The following ZNF449 variants were observed in gnomAD, a reference collection of about 807,000 sequenced individuals.
ZNF449 encodes zinc finger and SCAN domain-containing protein 19.
In ZNF449, 4 loss-of-function variants were observed where a neutral mutation model predicts 32.6. The ratio of observed to expected loss-of-function variants is 0.12; its 90% confidence interval spans 0.06 to 0.28. ZNF449 has a LOEUF of 0.28. ZNF449 is among the 10% of genes least tolerant of loss of function. The pLI, the probability that ZNF449 is intolerant of heterozygous loss-of-function variation, is 1.00. For synonymous variants in ZNF449, 123 were observed against 132.2 expected, an observed-to-expected ratio of 0.93 and a Z score of 0.48; for missense variants, 275 against 383.2, an observed-to-expected ratio of 0.72 and a Z score of 2.36.
chrX:135,355,603 T>A (rs1321658806), intron 3 of ZNF449, among the ~76,000 whole-genome samples: 1 of 111,898 alleles, frequency 8.9e-6, no homozygotes, highest in Non-Finnish European at 1.9e-5. Context: ...AAATCTAAAT[T>A]TTACTTCAGA....
chrX:135,360,749 T>C lies in ZNF449; in HGVS notation c.1230T>C (p.Leu410=). ...CTGAAGAAGAAACATATAAATGTCT[T>C]GAGTGTGGGAAAAGTTTTTGTCATG... ...THSEEETYKC[L]ECGKSFCHGS... is the part of the protein sequence containing the mutation. The change falls in exon 5 of 5, where the codon CTT becomes CTC. Residue 410 remains leucine (L), a synonymous_variant. Coordinates refer to ENST00000339249, the MANE Select transcript of ZNF449 (RefSeq NM_152695.6). 8.3e-7 allele frequency: 1 copy of C among 1,211,316 alleles called. No homozygotes were observed. Among genetic ancestry groups the C allele is most frequent in the Non-Finnish European group, 1.1e-6 (1 of 895,320 alleles).
intron 3 of ZNF449, among the ~76,000 whole-genome samples, chrX:135,355,391 G>T (rs868911692): frequency 1.4e-4 from 15 of 109,164 alleles, no homozygotes; most frequent in African/African-American, 3.3e-4. Flanking sequence ...CTGTTTTTTT[G>T]GGGGGGCCTC....
intron 2 of ZNF449, chrX:135,348,339 A>T (rs782144611): frequency 8.0e-6 from 1 of 124,955 alleles, no homozygotes; most frequent in African/African-American, 3.2e-5. Context: ...ACTCACATGA[A>T]TGTTTGAGTG....
At chrX:135,347,739 C>T in intron 2 of ZNF449, 1 of 959,976 alleles carries the variant, frequency 1.0e-6, no homozygotes, top group Non-Finnish European at 1.4e-6. Flanking sequence ...TACCCACATA[C>T]ATCAACCCAA....
chrX:135,356,834 A>T (rs952280680), intron 3 of ZNF449, among the ~76,000 whole-genome samples: 3 of 112,033 alleles, frequency 2.7e-5, no homozygotes, highest in Non-Finnish European at 5.7e-5. Flanking sequence ...GTGGATCATT[A>T]TAAAGGTCTT....
rs1423102301 is a variant in ZNF449 at position 135,349,098 on chromosome X, C to T, written c.355-12C>T. The T allele has an allele frequency of 3.3e-6, 4 of 1,208,337 alleles. No homozygotes were observed. The highest frequency in any genetic ancestry group is 2.2e-5 in the Admixed American group (1 of 45,778). ...CTAGACTTGAGAGTGATGGTTCTGG[C>T]ATTTCCCCCAGGTTGATATGCATGA... On this transcript the variant is annotated splice_polypyrimidine_tract_variant and intron_variant, in intron 2 of 4. Transcript: ENST00000339249.
chrX:135,347,707 G>A (rs2084857246), intron 2 of ZNF449: 1 of 1,042,204 alleles, frequency 9.6e-7, no homozygotes, highest in African/African-American at 1.9e-5. Flanking sequence ...ATGCACAAAT[G>A]AAATTGATAG....
At chrX:135,347,676 G>C in intron 2 of ZNF449, 1 of 1,083,865 alleles carries the variant, frequency 9.2e-7, no homozygotes, top group Non-Finnish European at 1.2e-6. Context: ...ATAACAAATA[G>C]TTTATAATGT....
chrX:135,349,382 G>C lies in ZNF449; in HGVS notation c.559+68G>C, dbSNP rs1485680777. On this transcript the variant is annotated intron_variant, in intron 3 of 4. Transcript: ENST00000339249. ...GAGTTCAGGAACTCTCAAGGGTTGG[G>C]GTTGGGTTAGAAACACCAATTACTC... 9 of 1,057,460 alleles carry C rather than the reference G, an allele frequency of 8.5e-6. No homozygotes were observed. In the East Asian group the frequency reaches 1.2e-4, roughly 14 times the overall value. 87.1% of individuals were successfully genotyped at this position (1,057,460 alleles called of 1,213,427 possible).
Position 135,349,159 on chromosome X carries a change from C to G in ZNF449, c.404C>G (p.Ala135Gly). ...GAAGAACTGGCACCAGTGGGAACGG[C>G]ACACATACCACCAACCATGCACCTA... Reference protein sequence around the residue: ...LLEELAPVGTAHIPPTMHLES... With the variant: ...LLEELAPVGTGHIPPTMHLES... The change falls in exon 3 of 5, where the codon GCA (alanine) becomes GGA (glycine). Residue 135 changes from alanine (A) to glycine (G), a missense_variant. By Grantham distance (60) the Ala-to-Gly change is moderately conservative (BLOSUM62 0). This residue lies in a region of ZNF449 where 165 missense variants were observed against 175.0 expected (regional missense o/e 0.94). Coordinates refer to ENST00000339249, the MANE Select transcript of ZNF449 (RefSeq NM_152695.6). 1 of 1,211,515 alleles carries G rather than the reference C, an allele frequency of 8.3e-7. No homozygotes were observed. The highest frequency in any genetic ancestry group is 1.8e-5 in the South Asian group (1 of 56,963).
chrX:135,358,901 C>G (rs2084931328), intron 3 of ZNF449, among the ~76,000 whole-genome samples: 1 of 111,718 alleles, frequency 9.0e-6, no homozygotes, highest in African/African-American at 3.2e-5. Context: ...ATTTAAACAG[C>G]ACTTTTATTT....
chrX:135,351,658 T>TAAAAAA (rs782046147), intron 3 of ZNF449, among the ~76,000 whole-genome samples: 2 of 49,506 alleles, frequency 4.0e-5, no homozygotes, highest in African/African-American at 7.8e-5. Flanking sequence ...TGAGGAATTC[T>TAAAAAA]AAAAAAAAAA....
intron 1 of ZNF449, among the ~76,000 whole-genome samples, chrX:135,346,414 G>C (rs1556448268): frequency 8.9e-6 from 1 of 111,963 alleles, no homozygotes; most frequent in African/African-American, 3.3e-5. Flanking sequence ...TTTGGTCGAA[G>C]GCCATTAGGA....
intron 3 of ZNF449, among the ~76,000 whole-genome samples, chrX:135,354,151 T>C (rs1200142007): frequency 1.8e-5 from 2 of 112,447 alleles, no homozygotes; most frequent in Non-Finnish European, 3.8e-5. Flanking sequence ...ATAGATATTG[T>C]CAAATTGACT....
In ZNF449 at chrX:135,347,380, A is replaced by G. The variant is rs782196711; in HGVS notation, c.262A>G (p.Thr88Ala). The stretch of plus-strand genomic sequence containing the variant: ...AACTATCCTGCCCACAGAGATAGAG[A>G]CCTGGGTGAGGGAGCACTGCCCAGA... ...FLTILPTEIE[T>A]WVREHCPENR... The change falls in exon 2 of 5, where the codon ACC becomes GCC. Residue 88 changes from threonine to alanine, a missense_variant. Physicochemically the swap from Thr to Ala is moderately conservative, Grantham distance 58 (BLOSUM62 0). Coordinates refer to ENST00000339249, the MANE Select transcript of ZNF449 (RefSeq NM_152695.6). The G allele has an allele frequency of 9.1e-6, 11 of 1,210,777 alleles. No homozygotes were observed. Among genetic ancestry groups the G allele is most frequent in the Non-Finnish European group, 1.2e-5 (11 of 895,419 alleles).
rs781946054 is a variant in ZNF449, at chrX:135,352,549, T to A, written c.559+3235T>A. ...CAAAACTGGATTGCATTTTGAGTTG[T>A]CAAAGCTTTGGGTTTTTCATTTCAA... On this transcript the variant is annotated intron_variant, in intron 3 of 4. Coordinates refer to ENST00000339249, the MANE Select transcript of ZNF449 (RefSeq NM_152695.6). 4.4e-5 allele frequency among the ~76,000 whole-genome samples: 5 copies of A among 112,382 alleles called. No homozygotes were observed. The South Asian group carries it at 1.8e-3, about 41-fold the overall frequency.
At chrX:135,347,765 C>T in intron 2 of ZNF449, 2 of 818,074 alleles carry the variant, frequency 2.4e-6, no homozygotes, top group South Asian at 5.7e-5. Context: ...CAGTAAATTG[C>T]TCCATGGCCT....
At position 135,344,800 on chromosome X, in the gene ZNF449, G is replaced by T. The variant is rs1168221373; in HGVS notation, c.-136G>T. The stretch of plus-strand genomic sequence containing the variant: ...TCCCGCGCCTGCGCCCTGGGCAGTT[G>T]CCGGTGAGCTTGGGAGAACCGTGGG... On this transcript the variant is annotated 5_prime_UTR_variant, in exon 1 of 5. Coordinates refer to ENST00000339249, the MANE Select transcript of ZNF449 (RefSeq NM_152695.6). 8.8e-6 allele frequency: 1 copy of T among 113,397 alleles called. No homozygotes were observed. The highest frequency in any genetic ancestry group is 1.9e-5 in the Non-Finnish European group (1 of 53,346). 9.3% of individuals were successfully genotyped at this position (113,397 alleles called of 1,213,427 possible).
In ZNF449 at chrX:135,347,283, C is replaced by T. The variant is rs782418626; in HGVS notation, c.165C>T (p.Cys55=). ...CATTTAACAAACTCTGGGAGCTTTG[C>T]TGTCAATGGCTGAAGCCAAAGATGC... ...HEAFNKLWEL[C]CQWLKPKMRS... is the part of the protein sequence containing the mutation. The change falls in exon 2 of 5, where the codon TGC becomes TGT. Residue 55 remains cysteine (C), a synonymous_variant. Transcript: ENST00000339249. 8.2e-7 allele frequency: 1 copy of T among 1,212,275 alleles called. No homozygotes were observed. The highest frequency in any genetic ancestry group is 2.2e-5 in the Admixed American group (1 of 46,124).
Sources: allele counts gnomAD v4.1 joint callset (sites outside exome capture counted in the v4.1 genomes callset), GRCh38; gene constraint gnomAD v4.1.1; regional missense constraint gnomAD v4.1.1; transcripts MANE v1.5; gene names NCBI Gene and HGNC (gene_info 2026-07-23, HGNC 2026-07-21).